The following SLC18B1 variants were observed in gnomAD, a reference collection of about 807,000 sequenced individuals.
SLC18B1 encodes solute carrier family 18 member B1.
A neutral mutation model predicts 53.9 loss-of-function variants in SLC18B1; 62 were observed. That is an observed-to-expected ratio of 1.15 (90% confidence interval 0.94 to 1.42). SLC18B1 has a LOEUF of 1.42. Among genes scored for constraint, SLC18B1 ranks in the 40% most tolerant of loss-of-function variants. SLC18B1 has a pLI of 0.00. For synonymous variants in SLC18B1, 217 were observed against 200.9 expected (o/e 1.08, Z -0.68); for missense variants, 598 against 547.3 (o/e 1.09, Z -0.93).
At chr6:132,793,576 A>G (rs2114687957) in intron 2 of SLC18B1, among the ~76,000 whole-genome samples, 1 of 152,352 alleles carries the variant, frequency 6.6e-6, no homozygotes, top group South Asian at 2.1e-4. Flanking sequence ...AGCAGGATAG[A>G]GCACATGGTC....
At chr6:132,774,351 G>A (rs766994581) in intron 8 of SLC18B1, 38 bp from the exon 9 acceptor site, 1 of 1,480,742 alleles carries the variant, frequency 6.8e-7, no homozygotes, top group Non-Finnish European at 9.4e-7. Context: ...GATTCTTAGA[G>A]GCAAAGACCC....
chr6:132,776,527 G>A, intron 7 of SLC18B1, 98 bp from the exon 8 acceptor site: 1 of 785,174 alleles, frequency 1.3e-6, no homozygotes, highest in Non-Finnish European at 2.0e-6. Context: ...TTATTACCAT[G>A]AGTCTACTAA....
At position 132,771,209 on chromosome 6, in the gene SLC18B1, A is replaced by G. The variant is rs957104401; in HGVS notation, c.1161-80T>C. 8 of 1,257,324 alleles carry G rather than the reference A, an allele frequency of 6.4e-6. No homozygotes were observed. The African/African-American group carries it at 8.9e-5, about 14-fold the overall frequency. The allele number at this position is 1,257,324 out of a possible 1,614,324, so 77.9% of individuals were successfully genotyped here. A position where few individuals can be genotyped will look rare whatever the true frequency, so the allele number is the denominator to read the frequency against. ...TCATGAAAAGCTACATGATCCTTCA[A>G]TTGTAAGTCTTCATTACATTGGAAG... On this transcript the variant is annotated intron_variant, in intron 11 of 13. Coordinates refer to ENST00000275227, the MANE Select transcript of SLC18B1 (RefSeq NM_052831.3).
chr6:132,779,165 T>C (rs1416541882), intron 7 of SLC18B1, 103 bp downstream of exon 7: 6 of 1,395,648 alleles, frequency 4.3e-6, no homozygotes, highest in Non-Finnish European at 5.9e-6. Flanking sequence ...TTCTACCTTC[T>C]TCTCCCAGCC....
chr6:132,785,058 G>T (rs1781333998), intron 5 of SLC18B1, among the ~76,000 whole-genome samples: 1 of 149,674 alleles, frequency 6.7e-6, no homozygotes, highest in South Asian at 2.1e-4. Flanking sequence ...AAAAAAAAAG[G>T]AAAAGAAAAA....
At chr6:132,792,284 G>GAGAGAGAGA (rs1781556053) in intron 2 of SLC18B1, among the ~76,000 whole-genome samples, 1 of 37,780 alleles carries the variant, frequency 2.6e-5, no homozygotes, top group Admixed American at 3.0e-4. Context: ...AGAAAGAAAG[G>GAGAGAGAGA]AAGAAAGGAA....
intron 6 of SLC18B1, among the ~76,000 whole-genome samples, chr6:132,783,232 A>G (rs1781280704): frequency 6.6e-6 from 1 of 151,866 alleles, no homozygotes; most frequent in South Asian, 2.1e-4. Context: ...GCTGGAGTGC[A>G]ATGGTGCGAT....
chr6:132,774,140 A>G (rs1781043225), intron 9 of SLC18B1, 82 bp downstream of exon 9: 1 of 859,822 alleles, frequency 1.2e-6, no homozygotes, highest in Non-Finnish European at 1.8e-6. Flanking sequence ...AAAATACTAA[A>G]CTATACCAAT....
intron 7 of SLC18B1, among the ~76,000 whole-genome samples, chr6:132,777,783 G>A (rs1294312634): frequency 6.6e-6 from 1 of 152,148 alleles, no homozygotes; most frequent in African/African-American, 2.4e-5. Context: ...ATAGATTTTT[G>A]TTGTTGTTGT....
chr6:132,796,336 G>C (rs1433647121), intron 2 of SLC18B1, among the ~76,000 whole-genome samples: 7 of 124,234 alleles, frequency 5.6e-5, no homozygotes, highest in African/African-American at 2.0e-4. Context: ...GCCTGGGCGA[G>C]AGTGCGAGAC....
At chr6:132,794,683 A>G (rs754672449) in intron 2 of SLC18B1, among the ~76,000 whole-genome samples, 33 of 152,226 alleles carry the variant, frequency 2.2e-4, no homozygotes, top group Non-Finnish European at 4.4e-4. Context: ...GTTGTTCACC[A>G]TAAGAATTAA....
intron 2 of SLC18B1, among the ~76,000 whole-genome samples, chr6:132,792,184 T>C (rs1048850010): frequency 6.8e-6 from 1 of 146,482 alleles, no homozygotes; most frequent in Admixed American, 6.9e-5. Flanking sequence ...GCCAAGATTG[T>C]GCTACTGCAC....
intron 5 of SLC18B1, among the ~76,000 whole-genome samples, chr6:132,786,684 T>A (rs747345737): frequency 2.6e-5 from 4 of 152,092 alleles, no homozygotes; most frequent in African/African-American, 4.8e-5. Context: ...CTAAGCTGAT[T>A]AGACTCTGAA....
chr6:132,783,914 G>GT lies in SLC18B1; in HGVS notation c.658+18dup. On this transcript the variant is annotated intron_variant, in intron 6 of 13. Transcript: ENST00000275227. Reference sequence around the variant, plus strand: ...AATATATTTAAGGTTCTTAAAATGAGTAATAAGTGTGGACTTACCGTAATT... The same window carrying GT: ...AATATATTTAAGGTTCTTAAAATGAGTTAATAAGTGTGGACTTACCGTAATT... The GT allele has an allele frequency of 2.0e-6, 3 of 1,527,504 alleles. No individual in the cohort carries two copies. Among genetic ancestry groups the GT allele is most frequent in the Non-Finnish European group, 2.6e-6 (3 of 1,140,852 alleles). 94.6% of individuals were successfully genotyped at this position (1,527,504 alleles called of 1,614,324 possible). A position where few individuals can be genotyped will look rare whatever the true frequency, so the allele number is the denominator to read the frequency against.
At chr6:132,792,602 G>A (rs2114686821) in intron 2 of SLC18B1, among the ~76,000 whole-genome samples, 1 of 152,144 alleles carries the variant, frequency 6.6e-6, no homozygotes, top group African/African-American at 2.4e-5. Flanking sequence ...ATTAAATAAA[G>A]GATACATTTT....
intron 5 of SLC18B1, among the ~76,000 whole-genome samples, chr6:132,787,021 G>C (rs933144840): frequency 2.6e-5 from 4 of 152,216 alleles, no homozygotes; most frequent in African/African-American, 7.2e-5. Context: ...TCTGGGGAAA[G>C]TGGAAGAAGG....
chr6:132,797,005 G>A lies in SLC18B1; in HGVS notation c.160C>T (p.Leu54Phe), dbSNP rs1280902387. Residue 54 changes from leucine (L) to phenylalanine (F), a missense_variant, in exon 2 of 14, where the codon CTT becomes TTT. Coordinates refer to ENST00000275227, the MANE Select transcript of SLC18B1 (RefSeq NM_052831.3). ...ACCTCTTTGGGGAAAAACGGTCCAA[G>A]TATAGAATAGCACATCATGGAACCT... ...NLGSMMCYSILGPFFPKEAEK... is the reference protein window; with the variant it reads ...NLGSMMCYSIFGPFFPKEAEK... The A allele has an allele frequency of 1.2e-6, 2 of 1,614,054 alleles. No individual in the cohort carries two copies. The highest frequency in any genetic ancestry group is 1.3e-5 in the African/African-American group (1 of 75,042).
intron 5 of SLC18B1, among the ~76,000 whole-genome samples, chr6:132,784,966 G>A (rs189127470): frequency 2.4e-4 from 37 of 151,894 alleles, no homozygotes; most frequent in Admixed American, 2.1e-3. Context: ...AACCAGTGAG[G>A]TGCTGAATGG....
At chr6:132,777,662 C>T (rs1330573593) in intron 7 of SLC18B1, among the ~76,000 whole-genome samples, 1 of 152,136 alleles carries the variant, frequency 6.6e-6, no homozygotes, top group Non-Finnish European at 1.5e-5. Flanking sequence ...TGCAGTGAGC[C>T]GAGATCGTGC....
Sources: gnomAD v4.1 joint callset for allele counts (sites outside exome capture counted in the v4.1 genomes callset) on GRCh38, gnomAD v4.1.1 for gene constraint, MANE v1.5 for transcripts, NCBI Gene and HGNC (gene_info 2026-07-23, HGNC 2026-07-21) for gene names.